The following TOPAZ1 variants were observed in gnomAD, a reference collection of about 807,000 sequenced individuals.
TOPAZ1 encodes the protein protein TOPAZ1.
Under a neutral mutation model 172.2 loss-of-function variants are expected in TOPAZ1, and 66 were observed. The observed-to-expected ratio is 0.38, with a 90% confidence interval of 0.31 to 0.47. The LOEUF (loss-of-function observed/expected upper bound fraction) is 0.47. TOPAZ1 is among the 20% of genes least tolerant of loss of function. The pLI, the probability that TOPAZ1 is intolerant of heterozygous loss-of-function variation, is 0.99. For missense variants in TOPAZ1, 1,822 were observed against 1,972.4 expected, an observed-to-expected ratio of 0.92 and a Z score of 1.44; for synonymous variants, 681 against 683.9, an observed-to-expected ratio of 1.00 and a Z score of 0.07.
At chr3:44,297,445 A>G (rs1015687792) in intron 12 of TOPAZ1, among the ~76,000 whole-genome samples, 1 of 152,212 alleles carries the variant, frequency 6.6e-6, no homozygotes, top group African/African-American at 2.4e-5. Context: ...ATATCCATGC[A>G]TTATTTTTAA....
At position 44,311,406 on chromosome 3, in the gene TOPAZ1, G is replaced by C. The variant is rs1020271781; in HGVS notation, c.4306+1416G>C. On this transcript the variant is annotated intron_variant, in intron 16 of 19. Transcript: ENST00000309765. ...GTCAAGAAATGGGAAGGTGAAAATA[G>C]TTTATAAAAATGAACTTGGGTCACC... 2.0e-5 allele frequency among the ~76,000 whole-genome samples: 3 copies of C among 152,266 alleles called. No individual in the cohort carries two copies. In the South Asian group the frequency reaches 6.2e-4, roughly 32 times the overall value.
intron 8 of TOPAZ1, among the ~76,000 whole-genome samples, chr3:44,278,734 T>G (rs1238422972): frequency 6.6e-6 from 1 of 152,060 alleles, no homozygotes; most frequent in East Asian, 1.9e-4. Context: ...TTTCTTTTTC[T>G]TGGTTAGTTT....
At chr3:44,318,635 C>T (rs1475794251) in intron 16 of TOPAZ1, among the ~76,000 whole-genome samples, 1 of 151,766 alleles carries the variant, frequency 6.6e-6, no homozygotes, top group African/African-American at 2.4e-5. Flanking sequence ...GTCTGTTATT[C>T]TGAGGGTCCT....
Position 44,244,688 on chromosome 3 carries a change from CAG to C in TOPAZ1, c.2184_2185del (p.Asn729GlnfsTer3). 6.4e-7 allele frequency: 1 copy of C among 1,551,364 alleles called. No individual in the cohort carries two copies. Among genetic ancestry groups the C allele is most frequent in the Non-Finnish European group, 8.7e-7 (1 of 1,146,952 alleles). On this transcript the variant is annotated frameshift_variant, in exon 2 of 20. Transcript: ENST00000309765. LOFTEE classifies it high-confidence loss of function. ...CAATTTATCTGGAGCAGACGTAAGA[CAG>C]AACAGGAGTAAAGAAAATGTCTCCA... ...LDNLSGADVR[Q>X]NRSKENVSMM...
At chr3:44,308,774 A>G (rs1480162564) in intron 15 of TOPAZ1, among the ~76,000 whole-genome samples, 1 of 152,202 alleles carries the variant, frequency 6.6e-6, no homozygotes. Context: ...TTTATTACAT[A>G]GTATGAATTT....
At chr3:44,299,409 C>T (rs1271574279) in intron 12 of TOPAZ1, among the ~76,000 whole-genome samples, 3 of 152,014 alleles carry the variant, frequency 2.0e-5, no homozygotes, top group Non-Finnish European at 2.9e-5. Flanking sequence ...GAGATACCAT[C>T]TCACACCAGT....
intron 8 of TOPAZ1, among the ~76,000 whole-genome samples, chr3:44,280,453 G>C (rs1412024919): frequency 1.3e-5 from 2 of 151,630 alleles, no homozygotes; most frequent in African/African-American, 4.8e-5. Flanking sequence ...GGGCTCACGT[G>C]ATCCTCCCAC....
At chr3:44,275,395 T>C (rs1282958677) in intron 8 of TOPAZ1, among the ~76,000 whole-genome samples, 1 of 152,098 alleles carries the variant, frequency 6.6e-6, no homozygotes, top group Non-Finnish European at 1.5e-5. Context: ...ATCATTCTAC[T>C]GTCTACCTCA....
chr3:44,253,133 C>T (rs1157169199), intron 2 of TOPAZ1, among the ~76,000 whole-genome samples: 1 of 152,016 alleles, frequency 6.6e-6, no homozygotes, highest in Non-Finnish European at 1.5e-5. Context: ...GTAAAATGAC[C>T]ATAGAATTTA....
At chr3:44,319,100 C>G (rs903164198) in intron 16 of TOPAZ1, among the ~76,000 whole-genome samples, 21 of 152,148 alleles carry the variant, frequency 1.4e-4, no homozygotes, top group Admixed American at 2.6e-4. Flanking sequence ...CCCCTTCCCC[C>G]ACGGCCAGGT....
chr3:44,286,311 T>A (rs761849351), intron 9 of TOPAZ1, among the ~76,000 whole-genome samples: 14 of 152,196 alleles, frequency 9.2e-5, no homozygotes, highest in Non-Finnish European at 2.1e-4. Context: ...TGCACCTTTT[T>A]GAATGTCTGC....
chr3:44,287,703 A>G (rs1479341318), intron 10 of TOPAZ1, 44 bp from the exon 11 acceptor site: 2 of 1,146,910 alleles, frequency 1.7e-6, no homozygotes, highest in African/African-American at 3.2e-5. Flanking sequence ...AAGGTGTACT[A>G]AAAGAAGATC....
chr3:44,304,167 A>T, intron 13 of TOPAZ1, 86 bp downstream of exon 13: 4 of 760,584 alleles, frequency 5.3e-6, no homozygotes, highest in Non-Finnish European at 6.2e-6. Flanking sequence ...ACCCCATTTT[A>T]TGAAAAGTTT....
At chr3:44,332,993 GTTTTT>G (rs112385784), downstream of TOPAZ1, among the ~76,000 whole-genome samples, 2 of 137,188 alleles carry the variant, frequency 1.5e-5, no homozygotes, top group Non-Finnish European at 3.2e-5. Context: ...TTTTTTTGTG[GTTTTT>G]TTTTTTTTTG....
rs752701260 is a variant in TOPAZ1, at chr3:44,244,564, T to C, written c.2058T>C (p.Asn686=). ...TATTGAACACAGGACGGCTGACTAA[T>C]TTTAAAATTCCTTTACTTAAGAATA... The part of the protein sequence containing the change: ...VKILNTGRLT[N]FKIPLLKNKS... Residue 686 remains asparagine (N), a synonymous_variant, in exon 2 of 20, where the codon AAT becomes AAC. Transcript: ENST00000309765. 1.3e-6 allele frequency: 2 copies of C among 1,549,468 alleles called. No individual in the cohort carries two copies. The highest frequency in any genetic ancestry group is 2.4e-5 in the South Asian group (2 of 83,308).
In TOPAZ1 at chr3:44,287,529, G is replaced by A. The variant is rs1349880538; in HGVS notation, c.3577G>A (p.Val1193Ile). The A allele has an allele frequency of 6.7e-7, 1 of 1,491,730 alleles. No individual in the cohort carries two copies. Among genetic ancestry groups the A allele is most frequent in the Non-Finnish European group, 8.9e-7 (1 of 1,121,332 alleles). The allele number at this position is 1,491,730 out of a possible 1,614,324, so 92.4% of individuals were successfully genotyped here. Residue 1193 changes from valine to isoleucine, a missense_variant, in exon 10 of 20, where the codon GTT (valine) becomes ATT (isoleucine). Coordinates refer to ENST00000309765, the MANE Select transcript of TOPAZ1 (RefSeq NM_001145030.2). ...VFQIVNLSIM[V>I]KMLPSLKILL... ...TCAGATAGTGAACCTCAGCATAATGGTTAAAATGCTGGTAAGTAGCCTGAA... is the reference window on the plus strand; with the variant it reads ...TCAGATAGTGAACCTCAGCATAATGATTAAAATGCTGGTAAGTAGCCTGAA...
At chr3:44,314,505 C>G (rs139235261) in intron 16 of TOPAZ1, among the ~76,000 whole-genome samples, 1 of 152,092 alleles carries the variant, frequency 6.6e-6, no homozygotes, top group African/African-American at 2.4e-5. Context: ...AAGTGTAAAG[C>G]AGGAATTCCA....
At chr3:44,315,949 T>A (rs767088350) in intron 16 of TOPAZ1, among the ~76,000 whole-genome samples, 1 of 152,068 alleles carries the variant, frequency 6.6e-6, no homozygotes, top group Non-Finnish European at 1.5e-5. Flanking sequence ...AAATAAACAT[T>A]TAAGGCCAGG....
chr3:44,263,689 A>G (rs1008539703), intron 5 of TOPAZ1, among the ~76,000 whole-genome samples: 2 of 152,192 alleles, frequency 1.3e-5, no homozygotes, highest in African/African-American at 2.4e-5. Flanking sequence ...CCTCTGGCGC[A>G]GAAAACACAA....
Sources: gnomAD v4.1 joint callset for allele counts (sites outside exome capture counted in the v4.1 genomes callset) on GRCh38, gnomAD v4.1.1 for gene constraint, MANE v1.5 for transcripts, NCBI Gene and HGNC (gene_info 2026-07-23, HGNC 2026-07-21) for gene names.